CCSER1: variants seen among roughly 807,000 people sequenced by gnomAD.
CCSER1 encodes serine-rich coiled-coil domain-containing protein 1.
Under a neutral mutation model 82.0 loss-of-function variants are expected in CCSER1, and 41 were observed. The ratio of observed to expected loss-of-function variants is 0.50; its 90% CI spans 0.39 to 0.65. The LOEUF (loss-of-function observed/expected upper bound fraction) is 0.65. Ranked by LOEUF, CCSER1 falls within the 30% of genes least tolerant of loss-of-function variation. The pLI, the probability that CCSER1 is intolerant of heterozygous loss-of-function variation, is 0.00. For missense variants in CCSER1, 1,119 were observed against 1,064.2 expected, an observed-to-expected ratio of 1.05 and a Z score of -0.72; for synonymous variants, 414 against 383.9, an observed-to-expected ratio of 1.08 and a Z score of -0.92.
chr4:90,385,360 G>T (rs1365409482), intron 3 of CCSER1, among the ~76,000 whole-genome samples: 3 of 145,904 alleles, frequency 2.1e-5, no homozygotes, highest in African/African-American at 7.6e-5. Context: ...GTATATAAGT[G>T]TTCCTTTTTT....
chr4:91,390,956 TTCTG>T (rs767371184), intron 10 of CCSER1, among the ~76,000 whole-genome samples: 3 of 152,104 alleles, frequency 2.0e-5, no homozygotes, highest in East Asian at 3.9e-4. Flanking sequence ...AATTTGTGCC[TTCTG>T]TCTTTTTTTC....
intron 10 of CCSER1, among the ~76,000 whole-genome samples, chr4:91,159,765 A>C (rs1399805944): frequency 2.6e-5 from 4 of 152,022 alleles, no homozygotes; most frequent in African/African-American, 9.7e-5. Flanking sequence ...CAACTGAGAA[A>C]ATTTTTGATG....
chr4:91,290,806 T>C (rs964042577), intron 10 of CCSER1, among the ~76,000 whole-genome samples: 1 of 151,970 alleles, frequency 6.6e-6, no homozygotes. Context: ...ATTTGCCTAT[T>C]ATGAAATTAT....
At chr4:90,326,397 G>A (rs1046760699) in intron 3 of CCSER1, among the ~76,000 whole-genome samples, 9 of 151,876 alleles carry the variant, frequency 5.9e-5, no homozygotes. Context: ...TTCTAAATTA[G>A]AGTAGCTGCC....
At chr4:90,156,739 T>C (rs529553187) in intron 1 of CCSER1, among the ~76,000 whole-genome samples, 13 of 152,290 alleles carry the variant, frequency 8.5e-5, no homozygotes, top group African/African-American at 3.1e-4. Flanking sequence ...GATCTTCCTC[T>C]ATCCTTTTAT....
intron 7 of CCSER1, among the ~76,000 whole-genome samples, chr4:90,748,369 T>C (rs1329132646): frequency 6.6e-6 from 1 of 150,912 alleles, no homozygotes; most frequent in Non-Finnish European, 1.5e-5. Context: ...CATGAACTCA[T>C]CATTTTTTAT....
At chr4:91,281,720 G>GT (rs2149203433) in intron 10 of CCSER1, among the ~76,000 whole-genome samples, 1 of 152,276 alleles carries the variant, frequency 6.6e-6, no homozygotes, top group African/African-American at 2.4e-5. Flanking sequence ...ACAACTTGAA[G>GT]TTTTTGATAT....
chr4:90,583,704 TA>T (rs1409071849), intron 5 of CCSER1, among the ~76,000 whole-genome samples: 1 of 152,104 alleles, frequency 6.6e-6, no homozygotes, highest in Admixed American at 6.5e-5. Flanking sequence ...CAAACGAGAA[TA>T]CCTTTTTATG....
At chr4:91,215,647 C>T (rs1196500757) in intron 10 of CCSER1, among the ~76,000 whole-genome samples, 1 of 152,124 alleles carries the variant, frequency 6.6e-6, no homozygotes, top group Non-Finnish European at 1.5e-5. Flanking sequence ...TTAGATGGTG[C>T]CACGCAGATT....
At chr4:90,880,651 G>A (rs1165881763) in intron 8 of CCSER1, among the ~76,000 whole-genome samples, 2 of 152,308 alleles carry the variant, frequency 1.3e-5, no homozygotes, top group East Asian at 3.9e-4. Context: ...GCAAGAGGTG[G>A]CTGGAAGCCC....
intron 7 of CCSER1, among the ~76,000 whole-genome samples, chr4:90,792,219 C>G (rs986481254): frequency 1.3e-5 from 2 of 151,948 alleles, no homozygotes; most frequent in Admixed American, 1.3e-4. Context: ...TATTGATGCT[C>G]GAGTCCATGA....
chr4:90,738,016 A>G (rs1745939618), intron 7 of CCSER1, among the ~76,000 whole-genome samples: 1 of 152,024 alleles, frequency 6.6e-6, no homozygotes, highest in Non-Finnish European at 1.5e-5. Flanking sequence ...CTTGAATTTC[A>G]TTGAGTTTCC....
chr4:90,810,161 T>C (rs892951270), intron 7 of CCSER1, among the ~76,000 whole-genome samples: 1 of 152,130 alleles, frequency 6.6e-6, no homozygotes, highest in Non-Finnish European at 1.5e-5. Context: ...GGTGTTTCAC[T>C]GTGTTACCCA....
intron 5 of CCSER1, among the ~76,000 whole-genome samples, chr4:90,500,946 CA>C (rs1769778300): frequency 6.6e-6 from 1 of 151,380 alleles, no homozygotes; most frequent in African/African-American, 2.4e-5. Flanking sequence ...TAAAAACAAA[CA>C]AAAAATAAGA....
intron 7 of CCSER1, among the ~76,000 whole-genome samples, chr4:90,812,954 G>T (rs1166258244): frequency 6.6e-6 from 1 of 152,100 alleles, no homozygotes; most frequent in Non-Finnish European, 1.5e-5. Context: ...AGATTTGGGT[G>T]GGATCACAGA....
chr4:91,134,833 A>G (rs1728316788), intron 10 of CCSER1, among the ~76,000 whole-genome samples: 1 of 152,134 alleles, frequency 6.6e-6, no homozygotes, highest in Non-Finnish European at 1.5e-5. Flanking sequence ...AGGCCGGGGC[A>G]GACAGACCAC....
intron 4 of CCSER1, among the ~76,000 whole-genome samples, chr4:90,451,793 T>C (rs936323711): frequency 6.6e-6 from 1 of 152,236 alleles, no homozygotes; most frequent in African/African-American, 2.4e-5. Context: ...TCTGCCAACT[T>C]ATTTCTTTCA....
intron 1 of CCSER1, among the ~76,000 whole-genome samples, chr4:90,177,537 G>T (rs1367457422): frequency 6.6e-6 from 1 of 151,920 alleles, no homozygotes; most frequent in Non-Finnish European, 1.5e-5. Context: ...TACCTTGTAG[G>T]TCTTATCAAA....
chr4:90,660,678 T>G (rs1281059013), intron 6 of CCSER1, among the ~76,000 whole-genome samples: 1 of 152,130 alleles, frequency 6.6e-6, no homozygotes, highest in Non-Finnish European at 1.5e-5. Flanking sequence ...TAAGAAAAAT[T>G]ATTGTTTGTT....
Sources: allele counts gnomAD v4.1 joint callset (sites outside exome capture counted in the v4.1 genomes callset), GRCh38; gene constraint gnomAD v4.1.1; transcripts MANE v1.5; gene names NCBI Gene and HGNC (gene_info 2026-07-23, HGNC 2026-07-21).